Variants in SPATS2L observed in about 807,000 individuals in gnomAD.
SPATS2L encodes the protein spermatogenesis associated serine rich 2 like.
Under a neutral mutation model 59.6 loss-of-function variants are expected in SPATS2L, and 30 were observed. The ratio of observed to expected loss-of-function variants is 0.50; its 90% CI spans 0.38 to 0.68. SPATS2L has a LOEUF of 0.68. SPATS2L is among the 30% of genes least tolerant of loss of function. The pLI, the probability that SPATS2L is intolerant of heterozygous loss-of-function variation, is 0.00. For missense variants in SPATS2L, 615 were observed against 700.0 expected, an observed-to-expected ratio of 0.88 and a Z score of 1.37; for synonymous variants, 252 against 263.5, an observed-to-expected ratio of 0.96 and a Z score of 0.42.
At chr2:200,313,094 C>T (rs1001399002) in intron 1 of SPATS2L, among the ~76,000 whole-genome samples, 2 of 152,162 alleles carry the variant, frequency 1.3e-5, no homozygotes, top group African/African-American at 4.8e-5. Flanking sequence ...GACACCCAGG[C>T]CCTGCTTTTT....
At position 200,360,975 on chromosome 2, in the gene SPATS2L, G is replaced by GTGTGTA. The variant is rs966744364; in HGVS notation, c.-22-28243_-22-28242insATGTGT. Among the ~76,000 whole-genome samples the GTGTGTA allele has an allele frequency of 4.8e-4, 73 of 150,998 alleles. 1 individual carries two copies. The South Asian group carries it at 0.015, about 31-fold the overall frequency. ...AACAGAGCAGAACAGGGCTGTGTGT[G>GTGTGTA]TGTGTGTGTGTGTGTGTGTGTGACT... On this transcript the variant is annotated intron_variant, in intron 2 of 12. Transcript: ENST00000409140.
chr2:200,359,932 G>T (rs2081041404), intron 2 of SPATS2L, among the ~76,000 whole-genome samples: 1 of 152,190 alleles, frequency 6.6e-6, no homozygotes, highest in African/African-American at 2.4e-5. Context: ...AGACCAGTGG[G>T]CTCCAAAGTG....
chr2:200,473,081 A>AG (rs758024870), intron 12 of SPATS2L, 29 bp downstream of exon 12: 6 of 1,421,148 alleles, frequency 4.2e-6, no homozygotes, highest in South Asian at 1.3e-5. Context: ...AGGGTGCCAG[A>AG]GGAAAAAAAA....
At chr2:200,354,820 A>G (rs563014495) in intron 2 of SPATS2L, among the ~76,000 whole-genome samples, 1 of 152,276 alleles carries the variant, frequency 6.6e-6, no homozygotes, top group South Asian at 2.1e-4. Context: ...GATACATCAG[A>G]AAATATTTTT....
At chr2:200,392,383 G>A (rs949359945) in intron 3 of SPATS2L, among the ~76,000 whole-genome samples, 2 of 152,054 alleles carry the variant, frequency 1.3e-5, no homozygotes, top group African/African-American at 4.8e-5. Context: ...ACCCAGAGAG[G>A]GCATGTTAGC....
chr2:200,329,119 C>T (rs933105758), intron 1 of SPATS2L, among the ~76,000 whole-genome samples: 5 of 152,202 alleles, frequency 3.3e-5, no homozygotes, highest in African/African-American at 9.7e-5. Flanking sequence ...TAAATGTTAG[C>T]TGTTGTTGGT....
intron 2 of SPATS2L, among the ~76,000 whole-genome samples, chr2:200,355,603 G>A (rs1374001314): frequency 6.6e-6 from 1 of 152,218 alleles, no homozygotes; most frequent in Admixed American, 6.5e-5. Context: ...GAGACTGGGA[G>A]TCAGAGAACT....
rs942277727 is a variant in SPATS2L at position 200,482,086 on chromosome 2, A to G, written c.*4055A>G. The G allele has an allele frequency of 6.6e-6, 1 of 152,266 alleles. No homozygotes were observed. The highest frequency in any genetic ancestry group is 2.4e-5 in the African/African-American group (1 of 41,470). The allele number at this position is 152,266 out of a possible 1,614,324, so 9.4% of individuals were successfully genotyped here. Reference sequence around the variant, plus strand: ...AATACATTGTTCCAGCATTTCCTTGAAAGTACTGAGCCATCTCAATTGCTC... The same window carrying G: ...AATACATTGTTCCAGCATTTCCTTGGAAGTACTGAGCCATCTCAATTGCTC... On this transcript the variant is annotated 3_prime_UTR_variant, in exon 13 of 13. Transcript: ENST00000409140.
chr2:200,335,805 T>C (rs1226282929), intron 2 of SPATS2L, among the ~76,000 whole-genome samples: 2 of 152,226 alleles, frequency 1.3e-5, no homozygotes, highest in East Asian at 1.9e-4. Flanking sequence ...CATTTTGTTA[T>C]CATGAAACAT....
rs1449056102 is a variant in SPATS2L, at chr2:200,482,051, C to A, written c.*4020C>A. 6.6e-6 allele frequency: 1 copy of A among 152,072 alleles called. No individual in the cohort carries two copies. The highest frequency in any genetic ancestry group is 2.4e-5 in the African/African-American group (1 of 41,404). 9.4% of individuals were successfully genotyped at this position (152,072 alleles called of 1,614,324 possible). On this transcript the variant is annotated 3_prime_UTR_variant, in exon 13 of 13. Transcript: ENST00000409140. ...AAGACCAAAAAAAAAGGAAAAAAAG[C>A]AGTTCGCCTAATACATTGTTCCAGC...
At chr2:200,459,734 T>A in intron 8 of SPATS2L, 35 bp from the exon 9 acceptor site, 2 of 1,540,834 alleles carry the variant, frequency 1.3e-6, no homozygotes, top group Non-Finnish European at 1.8e-6. Context: ...GATTAAGCAT[T>A]CTTTGCTTTT....
Position 200,477,859 on chromosome 2 carries a change from C to A in SPATS2L, c.1505C>A (p.Pro502Gln). The A allele has an allele frequency of 1.3e-6, 2 of 1,595,192 alleles. No homozygotes were observed. The highest frequency in any genetic ancestry group is 2.3e-5 in the East Asian group (1 of 43,856). The change falls in exon 13 of 13, where the codon CCG (proline) becomes CAG (glutamine). Residue 502 changes from proline to glutamine, a missense_variant. Pro to Gln is a moderately conservative substitution (Grantham distance 76, BLOSUM62 -1). Coordinates refer to ENST00000409140, the MANE Select transcript of SPATS2L (RefSeq NM_001100423.2). Reference protein sequence around the residue: ...ASLGMKTPEAPAHSEKPRRRQ... With the variant: ...ASLGMKTPEAQAHSEKPRRRQ... ...TTGGGGATGAAGACCCCCGAGGCCC[C>A]GGCCCATTCTGAAAAGCCCCGGCGA...
intron 2 of SPATS2L, among the ~76,000 whole-genome samples, chr2:200,354,273 G>T (rs1185619036): frequency 6.6e-6 from 1 of 152,168 alleles, no homozygotes; most frequent in African/African-American, 2.4e-5. Context: ...GATCCTAGAA[G>T]TGGAGCCATA....
chr2:200,364,683 C>T (rs531720138), intron 2 of SPATS2L, among the ~76,000 whole-genome samples: 5 of 152,258 alleles, frequency 3.3e-5, no homozygotes, highest in Non-Finnish European at 5.9e-5. Context: ...TAGGTCCTTC[C>T]CCAAAGCAAT....
At chr2:200,407,254 G>A (rs1461214799) in intron 3 of SPATS2L, among the ~76,000 whole-genome samples, 1 of 152,154 alleles carries the variant, frequency 6.6e-6, no homozygotes, top group Admixed American at 6.5e-5. Context: ...AAAAATTTAA[G>A]TGGTTCACCC....
At chr2:200,347,757 G>A (rs1029239277) in intron 2 of SPATS2L, among the ~76,000 whole-genome samples, 1 of 152,162 alleles carries the variant, frequency 6.6e-6, no homozygotes, top group African/African-American at 2.4e-5. Context: ...TCTTCTCTGA[G>A]TTATTAGTCT....
intron 2 of SPATS2L, among the ~76,000 whole-genome samples, chr2:200,366,591 A>G (rs1019106147): frequency 2.6e-5 from 4 of 152,220 alleles, no homozygotes; most frequent in African/African-American, 9.7e-5. Context: ...TGAGTTGGTA[A>G]TAGGCATAAT....
At chr2:200,450,567 A>T (rs1305672413) in intron 8 of SPATS2L, among the ~76,000 whole-genome samples, 1 of 152,178 alleles carries the variant, frequency 6.6e-6, no homozygotes, top group Non-Finnish European at 1.5e-5. Flanking sequence ...TAATAGATAG[A>T]TGAATGTGTG....
At chr2:200,310,616 A>G (rs1358953340) in intron 1 of SPATS2L, among the ~76,000 whole-genome samples, 3 of 152,246 alleles carry the variant, frequency 2.0e-5, no homozygotes, top group Non-Finnish European at 2.9e-5. Context: ...GTATTGCACC[A>G]GAGTGCAAAT....
Sources: gnomAD v4.1 joint callset for allele counts (sites outside exome capture counted in the v4.1 genomes callset) on GRCh38, gnomAD v4.1.1 for gene constraint, MANE v1.5 for transcripts, NCBI Gene and HGNC (gene_info 2026-07-23, HGNC 2026-07-21) for gene names.